Variants in PPFIA1 observed in about 807,000 individuals in gnomAD.
PPFIA1 encodes PPFI scaffold protein A1, also known as liprin-alpha-1.
In PPFIA1, 25 loss-of-function variants were observed where a neutral mutation model predicts 149.9. That is an observed-to-expected ratio of 0.17 (90% CI 0.12 to 0.23). PPFIA1 has a LOEUF of 0.23. Among genes scored for constraint, PPFIA1 ranks in the 10% least tolerant of loss-of-function variants. PPFIA1 has a pLI of 1.00. For synonymous variants in PPFIA1, 549 were observed against 552.8 expected (o/e 0.99, Z 0.10); for missense variants, 1,362 against 1,506.5 (o/e 0.90, Z 1.59).
chr11:70,363,901 T>A (rs2056790410), intron 21 of PPFIA1, among the ~76,000 whole-genome samples: 1 of 151,668 alleles, frequency 6.6e-6, no homozygotes. Context: ...AATTTTTGTA[T>A]TTTTTGTAGA....
chr11:70,338,380 C>CT lies in PPFIA1; in HGVS notation c.1500dup (p.Val501CysfsTer5). 6.2e-7 allele frequency: 1 copy of CT among 1,611,674 alleles called. No homozygotes were observed. The highest frequency in any genetic ancestry group is 8.5e-7 in the Non-Finnish European group (1 of 1,178,004). On this transcript the variant is annotated frameshift_variant, in exon 13 of 28. Coordinates refer to ENST00000253925, the MANE Select transcript of PPFIA1 (RefSeq NM_003626.5). LOFTEE classifies it high-confidence loss of function. Reference sequence around the variant, plus strand: ...GTCTTTTGCTTTTCTGTAGGATCAGCTTGTCCTAAACATTGAAGCACTGAG... The same window carrying CT: ...GTCTTTTGCTTTTCTGTAGGATCAGCTTTGTCCTAAACATTGAAGCACTGAG...
intron 2 of PPFIA1, among the ~76,000 whole-genome samples, chr11:70,320,667 G>A (rs1273822889): frequency 6.6e-6 from 1 of 152,014 alleles, no homozygotes; most frequent in Admixed American, 6.6e-5. Context: ...GAACTCCTGG[G>A]CTCAAGCAGT....
intron 26 of PPFIA1, among the ~76,000 whole-genome samples, chr11:70,381,681 G>A (rs540351947): frequency 4.9e-4 from 74 of 152,298 alleles, no homozygotes; most frequent in Middle Eastern, 3.4e-3. Context: ...CAGCAGTGCC[G>A]CTTGGTGTTT....
intron 15 of PPFIA1, among the ~76,000 whole-genome samples, chr11:70,346,965 A>T (rs561544114): frequency 9.8e-5 from 15 of 152,366 alleles, no homozygotes; most frequent in African/African-American, 3.1e-4. Flanking sequence ...TTAATCTTGA[A>T]TTCCAAATTA....
intron 21 of PPFIA1, chr11:70,363,274 T>G (rs1220524947): frequency 2.0e-5 from 3 of 152,304 alleles, no homozygotes; most frequent in Non-Finnish European, 4.4e-5. Flanking sequence ...GCCCCTTCCC[T>G]AGGGATGAGT....
At chr11:70,336,539 T>G (rs2054992926) in intron 11 of PPFIA1, among the ~76,000 whole-genome samples, 1 of 151,826 alleles carries the variant, frequency 6.6e-6, no homozygotes, top group Admixed American at 6.6e-5. Flanking sequence ...TTCTGTCTCA[T>G]TTATAAATAG....
chr11:70,314,321 A>AAACAATTGC (rs1354006049), intron 2 of PPFIA1, among the ~76,000 whole-genome samples: 1 of 152,174 alleles, frequency 6.6e-6, no homozygotes, highest in Non-Finnish European at 1.5e-5. Context: ...AGTGGTGAGT[A>AAACAATTGC]AGGGGCCAGG....
intron 4 of PPFIA1, 41 bp downstream of exon 4, chr11:70,325,052 TGTATTAGGCCA>T (rs2136798672): frequency 6.5e-7 from 1 of 1,549,866 alleles, no homozygotes; most frequent in Non-Finnish European, 8.7e-7. Flanking sequence ...GCACATGCTG[TGTATTAGGCCA>T]GCTTCACAAG....
chr11:70,361,925 A>G (rs1301889008), intron 19 of PPFIA1, among the ~76,000 whole-genome samples, 170 bp from the exon 20 acceptor site: 1 of 151,260 alleles, frequency 6.6e-6, no homozygotes, highest in Non-Finnish European at 1.5e-5. Flanking sequence ...ACACCTTGCA[A>G]ATTTTTAAAA....
Position 70,354,387 on chromosome 11 carries a change from G to C in PPFIA1, c.2250G>C (p.Arg750=). The C allele has an allele frequency of 6.2e-7, 1 of 1,614,038 alleles. No individual in the cohort carries two copies. Among genetic ancestry groups the C allele is most frequent in the Non-Finnish European group, 8.5e-7 (1 of 1,180,004 alleles). The change falls in exon 17 of 28, where the codon CGG becomes CGC. Residue 750 remains arginine (R), a synonymous_variant. Transcript: ENST00000253925. Reference sequence around the variant, plus strand: ...CGCCTTCCTCCCCGAGAGCCCTTCGGTTAGACCGGCTGCACAAAGGGGCGC... The same window carrying C: ...CGCCTTCCTCCCCGAGAGCCCTTCGCTTAGACCGGCTGCACAAAGGGGCGC... ...TSPPSSPRAL[R]LDRLHKGALH...
intron 2 of PPFIA1, among the ~76,000 whole-genome samples, chr11:70,296,739 G>A (rs1215156390): frequency 7.9e-6 from 1 of 127,046 alleles, no homozygotes; most frequent in Non-Finnish European, 1.6e-5. Context: ...GGGAGAGGGA[G>A]AGGGAGAGAG....
chr11:70,356,538 G>A (rs560200838), intron 19 of PPFIA1, among the ~76,000 whole-genome samples: 14 of 152,294 alleles, frequency 9.2e-5, no homozygotes, highest in Middle Eastern at 3.4e-3. Context: ...CGGCCCTGGC[G>A]CCTGCCCAGG....
At chr11:70,307,443 G>A (rs1400053626) in intron 2 of PPFIA1, among the ~76,000 whole-genome samples, 2 of 152,146 alleles carry the variant, frequency 1.3e-5, no homozygotes, top group African/African-American at 4.8e-5. Context: ...AAGCAAGGGC[G>A]AAAGAATAGA....
chr11:70,376,636 A>T (rs775488959), intron 25 of PPFIA1, 36 bp downstream of exon 25: 4 of 1,459,480 alleles, frequency 2.7e-6, no homozygotes, highest in Non-Finnish European at 2.9e-6. Flanking sequence ...AAATGTCTGA[A>T]ATGTGTGTAA....
At chr11:70,279,883 C>T (rs2136067302) in intron 2 of PPFIA1, among the ~76,000 whole-genome samples, 1 of 104,206 alleles carries the variant, frequency 9.6e-6, no homozygotes, top group Admixed American at 9.6e-5. Context: ...GCCACCGTGT[C>T]CGGCCTGTGT....
At chr11:70,322,867 G>T (rs1171264894) in intron 2 of PPFIA1, among the ~76,000 whole-genome samples, 1 of 152,144 alleles carries the variant, frequency 6.6e-6, no homozygotes. Flanking sequence ...TTACTCCCCA[G>T]CCAGGCGCAG....
At chr11:70,322,285 C>G (rs898704222) in intron 2 of PPFIA1, among the ~76,000 whole-genome samples, 1 of 152,240 alleles carries the variant, frequency 6.6e-6, no homozygotes, top group African/African-American at 2.4e-5. Flanking sequence ...GACAGTGTTT[C>G]GTTAAAGTTA....
At chr11:70,295,856 C>T (rs1320506329) in intron 2 of PPFIA1, among the ~76,000 whole-genome samples, 1 of 151,222 alleles carries the variant, frequency 6.6e-6, no homozygotes, top group Non-Finnish European at 1.5e-5. Context: ...GGGGTGGCTG[C>T]TGGGCGGAGG....
intron 21 of PPFIA1, chr11:70,371,790 T>G (rs949734134): frequency 2.0e-5 from 3 of 152,806 alleles, no homozygotes; most frequent in Non-Finnish European, 4.4e-5. Flanking sequence ...GATTTTGAAA[T>G]GGATTTTTTC....
Sources: gnomAD v4.1 joint callset for allele counts (sites outside exome capture counted in the v4.1 genomes callset) on GRCh38, gnomAD v4.1.1 for gene constraint, MANE v1.5 for transcripts, NCBI Gene and HGNC (gene_info 2026-07-23, HGNC 2026-07-21) for gene names.